Variants in PALS2 observed in about 807,000 individuals in gnomAD.
PALS2 encodes the protein protein PALS2.
Under a neutral mutation model 61.6 loss-of-function variants are expected in PALS2, and 27 were observed. The ratio of observed to expected loss-of-function variants is 0.44; its 90% confidence interval spans 0.32 to 0.60. PALS2 has a LOEUF of 0.60. PALS2 is among the 20% of genes least tolerant of loss of function. The pLI is 0.05. For synonymous variants in PALS2, 236 were observed against 218.6 expected (o/e 1.08, Z -0.70); for missense variants, 554 against 639.4 (o/e 0.87, Z 1.44).
intron 1 of PALS2, among the ~76,000 whole-genome samples, chr7:24,587,776 A>G (rs1451873434): frequency 1.3e-5 from 2 of 152,112 alleles, no homozygotes; most frequent in East Asian, 1.9e-4. Context: ...TTTCAATTTC[A>G]TAAAAGAACA....
chr7:24,615,023 C>G (rs1784242990), intron 1 of PALS2, among the ~76,000 whole-genome samples: 2 of 151,836 alleles, frequency 1.3e-5, no homozygotes, highest in South Asian at 4.1e-4. Flanking sequence ...CATGGAATTT[C>G]AACCACATGA....
intron 3 of PALS2, among the ~76,000 whole-genome samples, chr7:24,643,978 G>T (rs1008219210): frequency 1.3e-5 from 2 of 152,008 alleles, no homozygotes; most frequent in East Asian, 3.9e-4. Context: ...TTGATTACTG[G>T]GAAGTAATCA....
Position 24,689,590 on chromosome 7 carries a change from TTTTTTTC to T in PALS2, c.*1983_*1989del, listed in dbSNP as rs1352127842. ...ATCTATAGGTTTTTCTTTTTTTTTTTTTTTTTCTTTTTTTGATTCTAGATTTCATGGC... is the reference window on the plus strand; with the variant it reads ...ATCTATAGGTTTTTCTTTTTTTTTTTTTTTTTTGATTCTAGATTTCATGGC... On this transcript the variant is annotated 3_prime_UTR_variant, in exon 12 of 12. Coordinates refer to ENST00000222644, the MANE Select transcript of PALS2 (RefSeq NM_001303037.2). 6 of 151,164 alleles carry T rather than the reference TTTTTTTC, an allele frequency of 4.0e-5. No homozygotes were observed. Among genetic ancestry groups the T allele is most frequent in the African/African-American group, 1.5e-4 (6 of 41,158 alleles). 9.4% of individuals were successfully genotyped at this position (151,164 alleles called of 1,614,324 possible).
chr7:24,666,361 A>G (rs1375794975), intron 8 of PALS2, among the ~76,000 whole-genome samples: 1 of 152,170 alleles, frequency 6.6e-6, no homozygotes, highest in Non-Finnish European at 1.5e-5. Flanking sequence ...AAGCAGTATC[A>G]TAATTGAAAC....
intron 1 of PALS2, among the ~76,000 whole-genome samples, chr7:24,585,539 T>G (rs572723732): frequency 6.6e-6 from 1 of 152,312 alleles, no homozygotes; most frequent in Non-Finnish European, 1.5e-5. Context: ...CAGCTTGCTA[T>G]ATAGCCAAGT....
chr7:24,670,511 C>T (rs1787243363), intron 9 of PALS2, among the ~76,000 whole-genome samples: 1 of 152,094 alleles, frequency 6.6e-6, no homozygotes, highest in Non-Finnish European at 1.5e-5. Flanking sequence ...CTTGGTTTAT[C>T]ACCTTGTTTT....
intron 2 of PALS2, among the ~76,000 whole-genome samples, chr7:24,632,969 A>G (rs568612573): frequency 6.6e-6 from 1 of 152,214 alleles, no homozygotes; most frequent in South Asian, 2.1e-4. Flanking sequence ...ACACTTTCGA[A>G]TAACATCATA....
chr7:24,631,989 A>G (rs986515474), intron 2 of PALS2, among the ~76,000 whole-genome samples: 3 of 152,198 alleles, frequency 2.0e-5, no homozygotes, highest in Non-Finnish European at 4.4e-5. Flanking sequence ...TATTGTGGTT[A>G]TCTTGAGCAG....
chr7:24,577,396 T>C (rs74802961), intron 1 of PALS2, among the ~76,000 whole-genome samples: 2,420 of 152,130 alleles, frequency 0.016, 71 homozygotes, highest in African/African-American at 0.056. Context: ...AGCCTATCTG[T>C]CAGAGTTATC....
intron 1 of PALS2, among the ~76,000 whole-genome samples, chr7:24,614,486 T>A (rs1366507914): frequency 1.3e-5 from 2 of 152,006 alleles, no homozygotes; most frequent in Non-Finnish European, 2.9e-5. Context: ...GGATGCCCTT[T>A]ATTTCTTATT....
At chr7:24,645,990 T>C (rs1785811103) in intron 3 of PALS2, among the ~76,000 whole-genome samples, 1 of 152,182 alleles carries the variant, frequency 6.6e-6, no homozygotes, top group Non-Finnish European at 1.5e-5. Context: ...ATTTGTATCA[T>C]TCGGAAGGAT....
At chr7:24,603,506 G>T (rs1025648557) in intron 1 of PALS2, among the ~76,000 whole-genome samples, 11 of 152,188 alleles carry the variant, frequency 7.2e-5, no homozygotes, top group Admixed American at 7.2e-4. Flanking sequence ...ACCCAGGAGA[G>T]CCTGGAAAAA....
chr7:24,663,555 A>G (rs1273234263), intron 5 of PALS2, 35 bp from the exon 6 acceptor site: 3 of 1,529,228 alleles, frequency 2.0e-6, no homozygotes, highest in South Asian at 1.2e-5. Context: ...CAAGTGATAC[A>G]ACTATAGTAT....
intron 1 of PALS2, among the ~76,000 whole-genome samples, chr7:24,612,716 T>C (rs1457876837): frequency 6.6e-6 from 1 of 151,908 alleles, no homozygotes; most frequent in African/African-American, 2.4e-5. Context: ...CAAACTCTCA[T>C]AAATAACTTT....
At chr7:24,624,896 G>A (rs971838927) in intron 2 of PALS2, among the ~76,000 whole-genome samples, 7 of 152,098 alleles carry the variant, frequency 4.6e-5, no homozygotes, top group South Asian at 4.2e-4. Flanking sequence ...CACCAGGCCC[G>A]GCCAATGATA....
intron 1 of PALS2, among the ~76,000 whole-genome samples, chr7:24,593,092 C>T (rs954981934): frequency 6.6e-6 from 1 of 152,098 alleles, no homozygotes; most frequent in Non-Finnish European, 1.5e-5. Flanking sequence ...ACCAGCTAAA[C>T]TTATGTAATA....
intron 1 of PALS2, among the ~76,000 whole-genome samples, chr7:24,592,019 A>G (rs912555570): frequency 2.6e-5 from 4 of 152,004 alleles, no homozygotes; most frequent in African/African-American, 4.8e-5. Context: ...TATGAAAAGG[A>G]TACTTGTTTT....
At chr7:24,672,605 G>A (rs1197468179) in intron 9 of PALS2, among the ~76,000 whole-genome samples, 1 of 152,046 alleles carries the variant, frequency 6.6e-6, no homozygotes, top group African/African-American at 2.4e-5. Flanking sequence ...GGTTTTCATT[G>A]TACAAATATT....
rs749972521 is a variant in PALS2 at position 24,687,582 on chromosome 7, C to T, written c.1591C>T (p.Pro531Ser). ...TGCCATAGAGAAACTGAGAATGGAACCACAGTGGGTCCCAATCAGCTGGGT... is the reference window on the plus strand; with the variant it reads ...TGCCATAGAGAAACTGAGAATGGAATCACAGTGGGTCCCAATCAGCTGGGT... ...QTAIEKLRME[P>S]QWVPISWVY Residue 531 changes from proline (P) to serine (S), a missense_variant, in exon 12 of 12, where the codon CCA (proline) becomes TCA (serine). Coordinates refer to ENST00000222644, the MANE Select transcript of PALS2 (RefSeq NM_001303037.2). This position sits in a 1 kb window ranked among gnomAD's most constrained non-coding sequence, Gnocchi z 4.5. The T allele has an allele frequency of 1.4e-5, 22 of 1,611,186 alleles. No homozygotes were observed. The highest frequency in any genetic ancestry group is 3.3e-4 in the Middle Eastern group (2 of 6,078).
Sources: gnomAD v4.1 joint callset for allele counts (sites outside exome capture counted in the v4.1 genomes callset) on GRCh38, gnomAD v4.1.1 for gene constraint, Gnocchi (gnomAD v3.1) non-coding constraint, MANE v1.5 for transcripts, NCBI Gene and HGNC (gene_info 2026-07-23, HGNC 2026-07-21) for gene names.